Variants in ZNF429 observed in about 807,000 individuals in gnomAD.
ZNF429 encodes the protein zinc finger protein 429.
Under a neutral mutation model 56.8 loss-of-function variants are expected in ZNF429, and 53 were observed. That is an observed-to-expected ratio of 0.93 (90% CI 0.75 to 1.17). ZNF429 has a LOEUF of 1.17. Among genes scored for constraint, ZNF429 ranks in the 50% most tolerant of loss-of-function variants. ZNF429 has a pLI of 0.00. For missense variants in ZNF429, 849 were observed against 788.4 expected, an observed-to-expected ratio of 1.08 and a Z score of -0.92; for synonymous variants, 278 against 264.7, an observed-to-expected ratio of 1.05 and a Z score of -0.49.
intron 1 of ZNF429, among the ~76,000 whole-genome samples, chr19:21,527,099 G>A (rs2033197821): frequency 6.6e-6 from 1 of 152,192 alleles, no homozygotes; most frequent in Admixed American, 6.5e-5. Flanking sequence ...TGTGACAAGA[G>A]TCCTGAGTGG....
chr19:21,524,662 T>C (rs868641847), intron 1 of ZNF429, among the ~76,000 whole-genome samples: 1 of 152,190 alleles, frequency 6.6e-6, no homozygotes, highest in South Asian at 2.1e-4. Context: ...AGAATGAGCC[T>C]GAGTCTCTTC....
chr19:21,530,920 A>G, intron 3 of ZNF429, among the ~76,000 whole-genome samples: 1 of 152,200 alleles, frequency 6.6e-6, no homozygotes, highest in African/African-American at 2.4e-5. Context: ...AGCCTGGCCA[A>G]CATCATGAAA....
chr19:21,533,746 C>G, intron 3 of ZNF429, among the ~76,000 whole-genome samples: 9 of 151,858 alleles, frequency 5.9e-5, no homozygotes, highest in Non-Finnish European at 1.3e-4. Flanking sequence ...ACCTGTTTCC[C>G]GGGTTCAAGC....
At chr19:21,522,414 G>T (rs1440135745) in intron 1 of ZNF429, among the ~76,000 whole-genome samples, 1 of 152,084 alleles carries the variant, frequency 6.6e-6, no homozygotes, top group South Asian at 2.1e-4. Flanking sequence ...TCACATTCTG[G>T]TTTACTTGCA....
At chr19:21,526,845 ATTGCTAGT>A (rs2033189315) in intron 1 of ZNF429, among the ~76,000 whole-genome samples, 1 of 152,100 alleles carries the variant, frequency 6.6e-6, no homozygotes, top group Non-Finnish European at 1.5e-5. Flanking sequence ...TCCTCTTGGG[ATTGCTAGT>A]TTGTTCTTGC....
At chr19:21,508,987 G>T (rs2032320523) in intron 1 of ZNF429, among the ~76,000 whole-genome samples, 1 of 152,012 alleles carries the variant, frequency 6.6e-6, no homozygotes, top group African/African-American at 2.4e-5. Flanking sequence ...GTGCCTCCTA[G>T]AAGTGTTCCC....
At chr19:21,524,705 G>T (rs983303398) in intron 1 of ZNF429, among the ~76,000 whole-genome samples, 1 of 152,252 alleles carries the variant, frequency 6.6e-6, no homozygotes, top group African/African-American at 2.4e-5. Context: ...TCAGCACAGG[G>T]TCACTGGGAA....
At chr19:21,534,880 G>C in intron 3 of ZNF429, among the ~76,000 whole-genome samples, 1 of 151,068 alleles carries the variant, frequency 6.6e-6, no homozygotes, top group Non-Finnish European at 1.5e-5. Flanking sequence ...CGTGATCTCG[G>C]CTCACTGCAG....
At chr19:21,507,105 C>T (rs190430087) in intron 1 of ZNF429, among the ~76,000 whole-genome samples, 1 of 152,190 alleles carries the variant, frequency 6.6e-6, no homozygotes, top group East Asian at 1.9e-4. Flanking sequence ...TCAGGGACTA[C>T]AGCCACCTCA....
chr19:21,535,467 T>C, intron 3 of ZNF429, among the ~76,000 whole-genome samples: 3 of 85,436 alleles, frequency 3.5e-5, no homozygotes, highest in Non-Finnish European at 7.3e-5. Context: ...TTTCTTTCTT[T>C]CTTTCTTTCT....
chr19:21,536,924 G>A lies in ZNF429; in HGVS notation c.871G>A (p.Gly291Ser). ...GEKPYKCDEC[G>S]KTFSISSTFT... Reference sequence around the variant, plus strand: ...GAAGCCCTACAAATGTGATGAATGTGGCAAAACCTTTAGCATATCCTCAAC... The same window carrying A: ...GAAGCCCTACAAATGTGATGAATGTAGCAAAACCTTTAGCATATCCTCAAC... The change falls in exon 4 of 4, where the codon GGC (glycine) becomes AGC (serine). Residue 291 changes from glycine (G) to serine (S), a missense_variant. Transcript: ENST00000358491. The A allele has an allele frequency of 6.2e-7, 1 of 1,612,268 alleles. No homozygotes were observed. The highest frequency in any genetic ancestry group is 8.5e-7 in the Non-Finnish European group (1 of 1,179,128).
intron 3 of ZNF429, among the ~76,000 whole-genome samples, chr19:21,535,449 TTTC>T: frequency 0.017 from 1,701 of 102,664 alleles, 226 homozygotes; most frequent in Middle Eastern, 0.034. Context: ...TCTTTCTTTC[TTTC>T]TTTCTTTCTT....
intron 3 of ZNF429, among the ~76,000 whole-genome samples, chr19:21,535,422 TTCTTTCTTTC>T: frequency 2.0e-4 from 1 of 4,996 alleles, no homozygotes; most frequent in African/African-American, 9.9e-4. Flanking sequence ...TTTTCTTTCT[TTCTTTCTTTC>T]TTTCTTTCTT....
At chr19:21,508,757 A>AT (rs2032310375) in intron 1 of ZNF429, among the ~76,000 whole-genome samples, 1 of 151,594 alleles carries the variant, frequency 6.6e-6, no homozygotes, top group Non-Finnish European at 1.5e-5. Flanking sequence ...AGATTTTGGA[A>AT]TGCTACCAAG....
At position 21,537,774 on chromosome 19, in the gene ZNF429, T is replaced by C. The variant is rs2033766874; in HGVS notation, c.1721T>C (p.Phe574Ser). 1 of 1,613,420 alleles carries C rather than the reference T, an allele frequency of 6.2e-7. No homozygotes were observed. The highest frequency in any genetic ancestry group is 8.5e-7 in the Non-Finnish European group (1 of 1,179,946). Reference protein sequence around the residue: ...PYKCKQCDKAFTHSSNLSSHK... With the variant: ...PYKCKQCDKASTHSSNLSSHK... ...AAATGTAAACAATGTGACAAAGCTT[T>C]TACCCACTCCTCAAACCTTAGTAGT... The change falls in exon 4 of 4, where the codon TTT (phenylalanine) becomes TCT (serine). Residue 574 changes from phenylalanine (F) to serine (S), a missense_variant. Coordinates refer to ENST00000358491, the MANE Select transcript of ZNF429 (RefSeq NM_001001415.4).
At chr19:21,508,140 T>C (rs1023193792) in intron 1 of ZNF429, among the ~76,000 whole-genome samples, 3 of 151,250 alleles carry the variant, frequency 2.0e-5, no homozygotes, top group African/African-American at 7.3e-5. Flanking sequence ...TAATCCCAGC[T>C]ACTCAGGAGG....
intron 3 of ZNF429, among the ~76,000 whole-genome samples, chr19:21,535,407 T>TTTCC: frequency 8.7e-5 from 1 of 11,472 alleles, no homozygotes; most frequent in South Asian, 3.0e-3. Context: ...CTTTCTTTCT[T>TTTCC]TTTCTTTTCT....
At chr19:21,529,968 C>T in intron 2 of ZNF429, among the ~76,000 whole-genome samples, 184 bp downstream of exon 2, 1 of 151,972 alleles carries the variant, frequency 6.6e-6, no homozygotes. Context: ...GAGGCCAAGG[C>T]GGGTGGATCA....
At chr19:21,525,329 A>T (rs953300754) in intron 1 of ZNF429, among the ~76,000 whole-genome samples, 1 of 150,116 alleles carries the variant, frequency 6.7e-6, no homozygotes, top group African/African-American at 2.5e-5. Context: ...CACAGTAGCT[A>T]AAAAAAATTA....
Sources: gnomAD v4.1 joint callset for allele counts (sites outside exome capture counted in the v4.1 genomes callset) on GRCh38, gnomAD v4.1.1 for gene constraint, MANE v1.5 for transcripts, NCBI Gene and HGNC (gene_info 2026-07-23, HGNC 2026-07-21) for gene names.